The following DAPK1 variants were observed in gnomAD, a reference collection of about 807,000 sequenced individuals.
DAPK1 encodes death-associated protein kinase 1.
Under a neutral mutation model 144.9 loss-of-function variants are expected in DAPK1, and 56 were observed. The observed-to-expected ratio is 0.39, with a 90% CI of 0.31 to 0.48. The LOEUF is 0.48. Among genes scored for constraint, DAPK1 ranks in the 20% least tolerant of loss-of-function variants. The pLI is 0.95. For synonymous variants in DAPK1, 690 were observed against 749.0 expected (o/e 0.92, Z 1.29); for missense variants, 1,454 against 1,875.4 (o/e 0.78, Z 4.15).
chr9:87,507,798 T>G (rs1441221568), intron 2 of DAPK1, among the ~76,000 whole-genome samples: 1 of 152,148 alleles, frequency 6.6e-6, no homozygotes, highest in Non-Finnish European at 1.5e-5. Context: ...GGCTGGGAAA[T>G]TTGGCTCGAG....
intron 2 of DAPK1, among the ~76,000 whole-genome samples, chr9:87,537,954 A>G (rs1825917028): frequency 6.6e-6 from 1 of 152,140 alleles, no homozygotes; most frequent in Non-Finnish European, 1.5e-5. Flanking sequence ...TTTTTATCCA[A>G]AATCCCTTAG....
At chr9:87,613,078 TTC>T (rs899091926) in intron 3 of DAPK1, among the ~76,000 whole-genome samples, 2 of 152,196 alleles carry the variant, frequency 1.3e-5, no homozygotes, top group African/African-American at 4.8e-5. Context: ...CCATTTAGCT[TTC>T]TCTCTCTTTC....
chr9:87,603,138 G>T (rs536242067), intron 2 of DAPK1, among the ~76,000 whole-genome samples: 28 of 152,086 alleles, frequency 1.8e-4, no homozygotes, highest in Non-Finnish European at 3.1e-4. Flanking sequence ...TTTTGAATCT[G>T]CCTGGTGGGG....
intron 18 of DAPK1, among the ~76,000 whole-genome samples, chr9:87,663,435 C>G (rs1830935967): frequency 6.6e-6 from 1 of 152,112 alleles, no homozygotes; most frequent in Admixed American, 6.5e-5. Flanking sequence ...CTGTGAGCCC[C>G]TCCCTGATTT....
chr9:87,641,775 C>G (rs1172850167), intron 9 of DAPK1, among the ~76,000 whole-genome samples, 194 bp from the exon 10 acceptor site: 1 of 152,170 alleles, frequency 6.6e-6, no homozygotes, highest in African/African-American at 2.4e-5. Flanking sequence ...ATGGATGATA[C>G]GAAACCCTGA....
chr9:87,535,641 A>C (rs953718354), intron 2 of DAPK1, among the ~76,000 whole-genome samples: 2 of 152,048 alleles, frequency 1.3e-5, no homozygotes, highest in African/African-American at 4.8e-5. Flanking sequence ...CCAGTATTTT[A>C]TTTCTCTTTA....
chr9:87,634,768 A>C (rs1028152822), intron 3 of DAPK1, among the ~76,000 whole-genome samples: 1 of 151,644 alleles, frequency 6.6e-6, no homozygotes, highest in Non-Finnish European at 1.5e-5. Flanking sequence ...TCCCTCCCCA[A>C]CTCCACCCAC....
chr9:87,685,431 C>T (rs893294713), intron 20 of DAPK1, among the ~76,000 whole-genome samples: 4 of 152,180 alleles, frequency 2.6e-5, no homozygotes, highest in African/African-American at 7.2e-5. Context: ...TTTAGTGCCT[C>T]GCAATGTCTA....
intron 2 of DAPK1, among the ~76,000 whole-genome samples, chr9:87,541,412 G>T (rs1826046316): frequency 1.3e-5 from 2 of 152,118 alleles, no homozygotes. Flanking sequence ...AGCTGGATGT[G>T]GTGGTGTGTG....
At chr9:87,637,867 G>T (rs950439752) in intron 3 of DAPK1, 76 bp from the exon 4 acceptor site, 14 of 1,465,850 alleles carry the variant, frequency 9.6e-6, no homozygotes, top group African/African-American at 5.6e-5. Flanking sequence ...AAGTTTGAGC[G>T]CACCAATAGT....
chr9:87,520,102 A>C (rs1475359108), intron 2 of DAPK1, among the ~76,000 whole-genome samples: 1 of 152,176 alleles, frequency 6.6e-6, no homozygotes, highest in Non-Finnish European at 1.5e-5. Context: ...GGTAAGTTTT[A>C]ATTGCTTCTC....
At chr9:87,518,099 G>GTTTTTT (rs1554675822) in intron 2 of DAPK1, among the ~76,000 whole-genome samples, 31 of 126,042 alleles carry the variant, frequency 2.5e-4, no homozygotes, top group African/African-American at 9.6e-4. Flanking sequence ...TGCCGTTTAT[G>GTTTTTT]TTGTTGTTTT....
At chr9:87,610,198 T>C (rs1014079658) in intron 3 of DAPK1, among the ~76,000 whole-genome samples, 1 of 152,226 alleles carries the variant, frequency 6.6e-6, no homozygotes. Context: ...TCACAGAGGA[T>C]CTGTCATTGC....
chr9:87,622,015 C>T (rs1829312271), intron 3 of DAPK1, among the ~76,000 whole-genome samples: 1 of 151,818 alleles, frequency 6.6e-6, no homozygotes, highest in East Asian at 1.9e-4. Flanking sequence ...GCACATTGAG[C>T]CACCATTCTA....
chr9:87,663,922 A>G (rs1830959034), intron 18 of DAPK1, among the ~76,000 whole-genome samples: 1 of 151,758 alleles, frequency 6.6e-6, no homozygotes, highest in Non-Finnish European at 1.5e-5. Context: ...CCGGCAGCCT[A>G]CTAAGTCTCC....
Position 87,604,983 on chromosome 9 carries a change from G to A in DAPK1, c.92G>A (p.Arg31His), listed in dbSNP as rs777469310. 18 of 1,613,944 alleles carry A rather than the reference G, an allele frequency of 1.1e-5. No individual in the cohort carries two copies. The Middle Eastern group carries it at 4.9e-4, about 44-fold the overall frequency. Residue 31 changes from arginine (R) to histidine (H), a missense_variant, in exon 3 of 26, where the codon CGT becomes CAT. Arg to His is a conservative substitution (Grantham distance 29). This residue lies in a region of DAPK1 where 429 missense variants were observed against 637.5 expected (regional missense o/e 0.67). Coordinates refer to ENST00000408954, the MANE Select transcript of DAPK1 (RefSeq NM_004938.4). Reference protein sequence around the residue: ...SGQFAVVKKCREKSTGLQYAA... With the variant: ...SGQFAVVKKCHEKSTGLQYAA... ...CAGTTTGCGGTTGTGAAGAAATGCC[G>A]TGAGAAAAGCACCGGCCTCCAGTAT...
chr9:87,499,282 C>G, intron 2 of DAPK1, 143 bp downstream of exon 2: 1 of 783,470 alleles, frequency 1.3e-6, no homozygotes, highest in Non-Finnish European at 2.1e-6. Context: ...AAAAGAGTTA[C>G]TAACCCAGCG....
At chr9:87,626,272 G>A (rs141155451) in intron 3 of DAPK1, among the ~76,000 whole-genome samples, 77 of 152,242 alleles carry the variant, frequency 5.1e-4, no homozygotes, top group Non-Finnish European at 9.4e-4. Flanking sequence ...AAAATTAGCT[G>A]GGCGTGGTGG....
chr9:87,694,570 G>A lies in DAPK1; in HGVS notation c.2414-2437G>A, dbSNP rs529779266. 7.9e-5 allele frequency among the ~76,000 whole-genome samples: 12 copies of A among 152,324 alleles called. No homozygotes were observed. The East Asian group carries it at 2.1e-3, about 27-fold the overall frequency. ...AGCCATATGCGGCCAGCTGGGGAGT[G>A]TATGATTTGCACATACTTTAGACTC... On this transcript the variant is annotated intron_variant, in intron 21 of 25. Transcript: ENST00000408954.
Sources: gnomAD v4.1 joint callset for allele counts (sites outside exome capture counted in the v4.1 genomes callset) on GRCh38, gnomAD v4.1.1 for gene constraint, gnomAD v4.1.1 regional missense constraint, MANE v1.5 for transcripts, NCBI Gene and HGNC (gene_info 2026-07-23, HGNC 2026-07-21) for gene names.